The following PDZRN3 variants were observed in gnomAD, a reference collection of about 807,000 sequenced individuals.
The protein encoded by PDZRN3 is PDZ domain containing ring finger 3.
PDZRN3 carries 38 observed loss-of-function variants against 85.7 expected under a neutral mutation model. That is an observed-to-expected ratio of 0.44 (90% CI 0.34 to 0.58). The LOEUF is 0.58. Ranked by LOEUF, PDZRN3 falls within the 20% of genes least tolerant of loss-of-function variation. PDZRN3 has a pLI of 0.01. For synonymous variants in PDZRN3, 759 were observed against 638.0 expected (o/e 1.19, Z -2.86); for missense variants, 1,629 against 1,506.4 (o/e 1.08, Z -1.35).
At chr3:73,606,917 A>C (rs780714624) in intron 2 of PDZRN3, among the ~76,000 whole-genome samples, 1 of 152,106 alleles carries the variant, frequency 6.6e-6, no homozygotes. Flanking sequence ...TGTGTTGGCC[A>C]CTCCCGCCCT....
chr3:73,574,237 C>G (rs1451421337), intron 3 of PDZRN3, among the ~76,000 whole-genome samples: 2 of 152,220 alleles, frequency 1.3e-5, no homozygotes, highest in Non-Finnish European at 2.9e-5. Context: ...TCTAAGTACA[C>G]TCTAACCCCT....
At chr3:73,405,245 C>A (rs937720056) in intron 3 of PDZRN3, among the ~76,000 whole-genome samples, 18 of 152,176 alleles carry the variant, frequency 1.2e-4, no homozygotes, top group Non-Finnish European at 1.0e-4. Flanking sequence ...ATGGTACAAT[C>A]AAAACTCACT....
In PDZRN3 at chr3:73,401,023, C is replaced by G; in HGVS notation, c.1167-14G>C. On this transcript the variant is annotated splice_polypyrimidine_tract_variant and intron_variant, in intron 4 of 9. Transcript: ENST00000263666. The stretch of plus-strand genomic sequence containing the variant: ...GCTGAGGGATGCCTGAAAAGAGATG[C>G]AACATCTTTACAGCCCTTCTTCCGT... 3.2e-6 allele frequency: 5 copies of G among 1,567,260 alleles called. No individual in the cohort carries two copies. The highest frequency in any genetic ancestry group is 4.4e-6 in the Non-Finnish European group (5 of 1,137,330).
In PDZRN3 at chr3:73,624,938, G is replaced by T. The variant is rs1400055374; in HGVS notation, c.-113C>A. The T allele has an allele frequency of 2.5e-6, 2 of 798,072 alleles. No homozygotes were observed. Among genetic ancestry groups the T allele is most frequent in the Non-Finnish European group, 3.4e-6 (2 of 592,982 alleles). 49.4% of individuals were successfully genotyped at this position (798,072 alleles called of 1,614,324 possible). On this transcript the variant is annotated 5_prime_UTR_variant, in exon 1 of 10. Transcript: ENST00000263666. ...CCCGCGCGCTCGCTGGCTCTCCCCGGACTGAGCCTAATTGATCCAGACTTC... is the reference window on the plus strand; with the variant it reads ...CCCGCGCGCTCGCTGGCTCTCCCCGTACTGAGCCTAATTGATCCAGACTTC...
chr3:73,497,725 A>G (rs1445754751), intron 3 of PDZRN3, among the ~76,000 whole-genome samples: 2 of 152,262 alleles, frequency 1.3e-5, no homozygotes, highest in African/African-American at 4.8e-5. Flanking sequence ...GACAGCACAC[A>G]GCAACAGATT....
chr3:73,524,907 T>C (rs1210360467), intron 3 of PDZRN3, among the ~76,000 whole-genome samples: 1 of 151,558 alleles, frequency 6.6e-6, no homozygotes, highest in Non-Finnish European at 1.5e-5. Flanking sequence ...ATCTTTCATA[T>C]ACATATGAAA....
chr3:73,624,757 C>G lies in PDZRN3; in HGVS notation c.69G>C (p.Lys23Asn). The change falls in exon 1 of 10, where the codon AAG becomes AAC. Residue 23 changes from lysine (K) to asparagine (N), a missense_variant. Physicochemically the swap from Lys to Asn is moderately conservative, Grantham distance 94. Coordinates refer to ENST00000263666, the MANE Select transcript of PDZRN3 (RefSeq NM_015009.3). Reference protein sequence around the residue: ...DPDLKCALCHKVLEDPLTTPC... With the variant: ...DPDLKCALCHNVLEDPLTTPC... ...GCGTGGTCAGCGGGTCCTCCAGGAC[C>G]TTGTGGCACAGCGCGCACTTCAGGT... 1 of 1,496,606 alleles carries G rather than the reference C, an allele frequency of 6.7e-7. No individual in the cohort carries two copies. Among genetic ancestry groups the G allele is most frequent in the Non-Finnish European group, 8.8e-7 (1 of 1,130,538 alleles). The allele number at this position is 1,496,606 out of a possible 1,614,324, so 92.7% of individuals were successfully genotyped here. A position where few individuals can be genotyped will look rare whatever the true frequency, so the allele number is the denominator to read the frequency against.
intron 3 of PDZRN3, among the ~76,000 whole-genome samples, chr3:73,417,505 A>G (rs1171442337): frequency 1.3e-5 from 2 of 152,172 alleles, no homozygotes; most frequent in Non-Finnish European, 2.9e-5. Context: ...AAGCACAAAA[A>G]CTAACTTTAT....
intron 1 of PDZRN3, among the ~76,000 whole-genome samples, chr3:73,609,256 A>G (rs1406616419): frequency 6.6e-6 from 1 of 152,186 alleles, no homozygotes; most frequent in Non-Finnish European, 1.5e-5. Context: ...GCATTTTCAC[A>G]AAGTAATTAC....
intron 3 of PDZRN3, among the ~76,000 whole-genome samples, chr3:73,560,817 G>C (rs1202043113): frequency 6.6e-6 from 1 of 152,206 alleles, no homozygotes; most frequent in South Asian, 2.1e-4. Context: ...AGGAGTAAAA[G>C]ATTTCTTAAT....
chr3:73,434,315 T>C (rs968319181), intron 3 of PDZRN3, among the ~76,000 whole-genome samples: 7 of 152,224 alleles, frequency 4.6e-5, no homozygotes, highest in Admixed American at 3.3e-4. Flanking sequence ...ATATAAAATG[T>C]ATTTAATGCT....
chr3:73,560,534 C>T (rs1701794474), intron 3 of PDZRN3, among the ~76,000 whole-genome samples: 1 of 152,234 alleles, frequency 6.6e-6, no homozygotes, highest in African/African-American at 2.4e-5. Context: ...AATATACCTG[C>T]TCAATGGCAT....
At chr3:73,615,278 G>A (rs1330321939) in intron 1 of PDZRN3, among the ~76,000 whole-genome samples, 2 of 152,016 alleles carry the variant, frequency 1.3e-5, no homozygotes, top group Non-Finnish European at 2.9e-5. Flanking sequence ...TTATTTCCAC[G>A]AGCTTGATTT....
chr3:73,486,517 T>C (rs776734601), intron 3 of PDZRN3, among the ~76,000 whole-genome samples: 3 of 152,290 alleles, frequency 2.0e-5, no homozygotes, highest in Admixed American at 6.5e-5. Context: ...AGAATTTCTG[T>C]GTAGGGTAAT....
intron 3 of PDZRN3, among the ~76,000 whole-genome samples, chr3:73,410,240 A>G (rs973513506): frequency 1.3e-5 from 2 of 152,178 alleles, no homozygotes; most frequent in African/African-American, 2.4e-5. Flanking sequence ...TTTATTTCAA[A>G]TTTATAGTCT....
intron 3 of PDZRN3, among the ~76,000 whole-genome samples, chr3:73,580,124 T>A (rs1337574864): frequency 1.3e-5 from 2 of 152,196 alleles, no homozygotes; most frequent in Non-Finnish European, 2.9e-5. Context: ...AGGATTGAGT[T>A]GATCTTCACT....
intron 3 of PDZRN3, among the ~76,000 whole-genome samples, chr3:73,485,402 C>T (rs1703644589): frequency 6.6e-6 from 1 of 151,628 alleles, no homozygotes; most frequent in Non-Finnish European, 1.5e-5. Flanking sequence ...TACTTCTTTA[C>T]AAAAGAAGAC....
chr3:73,436,589 C>T (rs778022243), intron 3 of PDZRN3, among the ~76,000 whole-genome samples: 110 of 151,924 alleles, frequency 7.2e-4, no homozygotes, highest in Non-Finnish European at 1.4e-3. Flanking sequence ...TCGAAATGGG[C>T]CTAAGCTACA....
At chr3:73,596,492 CAG>C (rs918793738) in intron 3 of PDZRN3, among the ~76,000 whole-genome samples, 1 of 152,162 alleles carries the variant, frequency 6.6e-6, no homozygotes, top group Non-Finnish European at 1.5e-5. Flanking sequence ...ATAGTGGAGA[CAG>C]AGAGATACGA....
Sources: gnomAD v4.1 joint callset for allele counts (sites outside exome capture counted in the v4.1 genomes callset) on GRCh38, gnomAD v4.1.1 for gene constraint, MANE v1.5 for transcripts, NCBI Gene and HGNC (gene_info 2026-07-23, HGNC 2026-07-21) for gene names.